NBAS: variants seen among roughly 807,000 people sequenced by gnomAD.
NBAS encodes NAG/BC035112 fusion.
Under a neutral mutation model 302.5 loss-of-function variants are expected in NBAS, and 219 were observed. That is an observed-to-expected ratio of 0.72 (90% confidence interval 0.65 to 0.81). NBAS has a LOEUF of 0.81. Ranked by LOEUF, NBAS falls within the 30% of genes least tolerant of loss-of-function variation. NBAS has a pLI of 0.00. For synonymous variants in NBAS, 1,118 were observed against 1,021.6 expected (o/e 1.09, Z -1.80); for missense variants, 2,932 against 2,841.6 (o/e 1.03, Z -0.72).
intron 44 of NBAS, among the ~76,000 whole-genome samples, chr2:15,261,618 C>A (rs2148016150): frequency 6.6e-6 from 1 of 151,484 alleles, no homozygotes; most frequent in Non-Finnish European, 1.5e-5. Context: ...TGTAGATGGC[C>A]CTCTCTTTTT....
chr2:15,344,533 C>CA (rs1484255512), intron 35 of NBAS, among the ~76,000 whole-genome samples: 1 of 151,880 alleles, frequency 6.6e-6, no homozygotes, highest in African/African-American at 2.4e-5. Flanking sequence ...GGCTACCAAC[C>CA]AAAAAAAGCC....
chr2:14,907,305 C>A, the NBAS span, among the ~76,000 whole-genome samples: 1 of 152,204 alleles, frequency 6.6e-6, no homozygotes, highest in Non-Finnish European at 1.5e-5. Flanking sequence ...AAGATGGGAG[C>A]TCTGGCAACG....
intron 44 of NBAS, among the ~76,000 whole-genome samples, chr2:15,240,565 C>T (rs1165859342): frequency 1.3e-5 from 2 of 151,888 alleles, no homozygotes; most frequent in Admixed American, 6.6e-5. Flanking sequence ...TGCAGTGAGC[C>T]GAGATCGCAC....
chr2:15,458,315 C>T (rs1453933713), intron 21 of NBAS, among the ~76,000 whole-genome samples: 4 of 152,172 alleles, frequency 2.6e-5, no homozygotes, highest in African/African-American at 7.2e-5. Context: ...TTTGCAGTAA[C>T]TATGACATGG....
chr2:15,068,594 A>T, the NBAS span, among the ~76,000 whole-genome samples: 12 of 97,868 alleles, frequency 1.2e-4, no homozygotes, highest in East Asian at 3.4e-3. Context: ...CCTGATGACT[A>T]TTAATTGGCA....
At chr2:14,987,375 G>A in the NBAS span, among the ~76,000 whole-genome samples, 401 of 151,684 alleles carry the variant, frequency 2.6e-3, no homozygotes, top group African/African-American at 9.2e-3. Flanking sequence ...AAAAATAAAC[G>A]TTTTGCTTTG....
At chr2:15,536,648 G>A in intron 7 of NBAS, 97 bp from the exon 8 acceptor site, 1 of 1,105,546 alleles carries the variant, frequency 9.0e-7, no homozygotes, top group Non-Finnish European at 1.3e-6. Flanking sequence ...CTGGCTTCAG[G>A]TACACTTTAT....
At chr2:15,153,391 T>A in the NBAS span, among the ~76,000 whole-genome samples, 2 of 152,220 alleles carry the variant, frequency 1.3e-5, no homozygotes, top group African/African-American at 2.4e-5. Context: ...ATAGATATAT[T>A]CTGTGGGCTC....
the NBAS span, among the ~76,000 whole-genome samples, chr2:15,104,294 A>T: frequency 1.3e-5 from 2 of 152,094 alleles, no homozygotes; most frequent in Non-Finnish European, 2.9e-5. Flanking sequence ...TCTTTCTTTT[A>T]TAAATTACCT....
chr2:15,087,258 C>CACA, the NBAS span, among the ~76,000 whole-genome samples: 125 of 131,396 alleles, frequency 9.5e-4, no homozygotes, highest in African/African-American at 4.3e-3. Context: ...ACACACACAC[C>CACA]CCATATTGGT....
chr2:15,072,854 C>T, the NBAS span, among the ~76,000 whole-genome samples: 8 of 152,174 alleles, frequency 5.3e-5, no homozygotes, highest in African/African-American at 7.2e-5. Context: ...ACAGGCCAGG[C>T]GCAGAGGCTC....
intron 21 of NBAS, among the ~76,000 whole-genome samples, chr2:15,449,400 T>A (rs1289881471): frequency 1.3e-5 from 2 of 152,214 alleles, no homozygotes; most frequent in African/African-American, 4.8e-5. Flanking sequence ...TGTTCCATAG[T>A]CAGTCATGAG....
the NBAS span, among the ~76,000 whole-genome samples, chr2:14,795,095 T>C: frequency 6.6e-6 from 1 of 152,208 alleles, no homozygotes; most frequent in Non-Finnish European, 1.5e-5. Context: ...ACATATGCTC[T>C]TGTTTGTCTT....
At chr2:14,996,913 T>C in the NBAS span, among the ~76,000 whole-genome samples, 1 of 152,170 alleles carries the variant, frequency 6.6e-6, no homozygotes. Context: ...ACACTGAAAT[T>C]TTCAGAAAGA....
the NBAS span, among the ~76,000 whole-genome samples, chr2:15,064,196 G>T: frequency 6.7e-6 from 1 of 148,830 alleles, no homozygotes; most frequent in Middle Eastern, 3.3e-3. Context: ...GAAATAAATA[G>T]AAAATAGAAA....
intron 40 of NBAS, among the ~76,000 whole-genome samples, chr2:15,299,319 T>C (rs914063870): frequency 6.6e-4 from 101 of 152,346 alleles, no homozygotes; most frequent in African/African-American, 2.4e-3. Context: ...GTATGATTTC[T>C]TTAAAGAATA....
the NBAS span, among the ~76,000 whole-genome samples, chr2:15,123,503 A>G: frequency 1.3e-5 from 2 of 152,146 alleles, no homozygotes; most frequent in Non-Finnish European, 2.9e-5. Context: ...GTGGTTCTCA[A>G]TGTTGGAGGT....
At chr2:15,080,430 A>T in the NBAS span, among the ~76,000 whole-genome samples, 1 of 152,244 alleles carries the variant, frequency 6.6e-6, no homozygotes, top group Admixed American at 6.5e-5. Context: ...TGTTTGACCA[A>T]CACTTGAAGC....
chr2:15,234,871 G>C, intron 45 of NBAS, 124 bp from the exon 46 acceptor site: 2 of 969,334 alleles, frequency 2.1e-6, no homozygotes, highest in Middle Eastern at 3.0e-4. Flanking sequence ...CCATACCAAA[G>C]GGCATGTATT....
Sources: allele counts gnomAD v4.1 joint callset (sites outside exome capture counted in the v4.1 genomes callset), GRCh38; gene constraint gnomAD v4.1.1; transcripts MANE v1.5; gene names NCBI Gene and HGNC (gene_info 2026-07-23, HGNC 2026-07-21).